The following FCHO2 variants were observed in gnomAD, a reference collection of about 807,000 sequenced individuals.
FCHO2 encodes FCH and mu domain containing endocytic adaptor 2, also known as F-BAR domain only protein 2.
FCHO2 carries 43 observed loss-of-function variants against 114.1 expected under a neutral mutation model. That is an observed-to-expected ratio of 0.38 (90% CI 0.30 to 0.49). FCHO2 has a LOEUF of 0.49. Ranked by LOEUF, FCHO2 falls within the 20% of genes least tolerant of loss-of-function variation. The pLI is 0.97. For missense variants in FCHO2, 807 were observed against 950.4 expected (o/e 0.85, Z 1.98); for synonymous variants, 293 against 315.2 (o/e 0.93, Z 0.75).
intron 5 of FCHO2, among the ~76,000 whole-genome samples, chr5:73,004,635 T>A (rs922087464): frequency 6.8e-6 from 1 of 147,986 alleles, no homozygotes; most frequent in Admixed American, 6.7e-5. Flanking sequence ...ACAGCTTTTT[T>A]TAAAAAAAAG....
rs185838808 is a variant in FCHO2 at position 72,974,990 on chromosome 5, G to T, written c.125+6401G>T. Among the ~76,000 whole-genome samples the T allele has an allele frequency of 3.4e-3, 522 of 152,078 alleles. 1 individual carries two copies. The highest frequency in any genetic ancestry group is 0.011 in the African/African-American group (467 of 41,490). Reference sequence around the variant, plus strand: ...CTTAGTTTGACTGGATATGAAATTCGGGGTTGAAAATTCTTTTCTTTAAGA... The same window carrying T: ...CTTAGTTTGACTGGATATGAAATTCTGGGTTGAAAATTCTTTTCTTTAAGA... On this transcript the variant is annotated intron_variant, in intron 2 of 25. Transcript: ENST00000430046.
chr5:73,006,203 C>G (rs1224294532), intron 5 of FCHO2, among the ~76,000 whole-genome samples: 1 of 152,056 alleles, frequency 6.6e-6, no homozygotes, highest in Non-Finnish European at 1.5e-5. Flanking sequence ...AGTATTTTAA[C>G]TTTTCAAAGC....
chr5:72,968,067 G>A, intron 1 of FCHO2, among the ~76,000 whole-genome samples: 1 of 151,934 alleles, frequency 6.6e-6, no homozygotes, highest in Non-Finnish European at 1.5e-5. Context: ...TGGGACTACA[G>A]GTGCCCACCA....
chr5:72,982,313 A>G (rs1289005950), intron 2 of FCHO2, among the ~76,000 whole-genome samples: 2 of 152,178 alleles, frequency 1.3e-5, no homozygotes, highest in South Asian at 2.1e-4. Flanking sequence ...TGCCTTCTGC[A>G]TTGATCTCAC....
rs553479251 is a variant in FCHO2 at position 73,059,992 on chromosome 5, TC to T, written c.1345+1469del. 2.1e-3 allele frequency among the ~76,000 whole-genome samples: 317 copies of T among 152,152 alleles called. 1 individual carries two copies. In the Middle Eastern group the frequency reaches 0.034, roughly 16 times the overall value. ...TTATTAAAGTCTTTAATAAAAGTTT[TC>T]AAATTGGTATCACAGAGGTTTTATT... On this transcript the variant is annotated intron_variant, in intron 17 of 25. Transcript: ENST00000430046.
intron 7 of FCHO2, among the ~76,000 whole-genome samples, chr5:73,016,926 A>G (rs544609025): frequency 1.1e-4 from 16 of 152,102 alleles, no homozygotes; most frequent in South Asian, 2.1e-4. Flanking sequence ...TTGTCTGTAT[A>G]AGTCTTATCA....
intron 5 of FCHO2, among the ~76,000 whole-genome samples, chr5:72,998,436 G>A (rs1268974077): frequency 6.6e-6 from 1 of 151,756 alleles, no homozygotes; most frequent in African/African-American, 2.4e-5. Flanking sequence ...GCAGTGAGCC[G>A]AGATCGAGCC....
chr5:73,081,699 T>G, intron 22 of FCHO2, 84 bp from the exon 23 acceptor site: 1 of 1,018,430 alleles, frequency 9.8e-7, no homozygotes, highest in Admixed American at 3.6e-5. Context: ...TTTTGTGGAC[T>G]TACATGTTCA....
At chr5:72,981,593 G>A (rs1753215262) in intron 2 of FCHO2, among the ~76,000 whole-genome samples, 1 of 152,160 alleles carries the variant, frequency 6.6e-6, no homozygotes, top group Non-Finnish European at 1.5e-5. Context: ...ATCAAATGTA[G>A]GTTTCGTGGT....
intron 1 of FCHO2, among the ~76,000 whole-genome samples, chr5:72,956,440 C>T (rs900692830): frequency 1.3e-5 from 2 of 151,668 alleles, no homozygotes; most frequent in Non-Finnish European, 2.9e-5. Flanking sequence ...CGGAGGCTCC[C>T]GGTGCCGCGC....
At chr5:73,048,489 G>C (rs1305986484) in intron 11 of FCHO2, among the ~76,000 whole-genome samples, 3 of 152,108 alleles carry the variant, frequency 2.0e-5, no homozygotes, top group Non-Finnish European at 4.4e-5. Flanking sequence ...ATCTGCGGTT[G>C]GTTGAATACA....
chr5:73,049,827 A>G (rs1480804097), intron 11 of FCHO2, among the ~76,000 whole-genome samples: 1 of 152,190 alleles, frequency 6.6e-6, no homozygotes, highest in Non-Finnish European at 1.5e-5. Context: ...AGAATTCTAA[A>G]CAAATTGTGT....
intron 18 of FCHO2, among the ~76,000 whole-genome samples, chr5:73,066,240 C>G (rs1561489764): frequency 6.6e-6 from 1 of 151,958 alleles, no homozygotes. Context: ...CTTCTAGAAA[C>G]CACCCTCTGA....
chr5:73,069,802 T>C (rs1028296249), intron 19 of FCHO2, among the ~76,000 whole-genome samples: 7 of 152,112 alleles, frequency 4.6e-5, no homozygotes, highest in African/African-American at 1.7e-4. Flanking sequence ...AAGAGTTTTT[T>C]TGTCATCATT....
At chr5:72,972,184 G>T (rs1752596022) in intron 2 of FCHO2, among the ~76,000 whole-genome samples, 3 of 152,066 alleles carry the variant, frequency 2.0e-5, no homozygotes, top group African/African-American at 7.2e-5. Flanking sequence ...GGCGATGCGG[G>T]CTCTTTTTTG....
chr5:73,063,829 C>T lies in FCHO2; in HGVS notation c.1346-12C>T. On this transcript the variant is annotated splice_polypyrimidine_tract_variant and intron_variant, in intron 17 of 25. Coordinates refer to ENST00000430046, the MANE Select transcript of FCHO2 (RefSeq NM_138782.3). ...ATGATTTTCTTCAAATTCTCTTTTC[C>T]CCCTCAACCAGCCAGGCCCACAACT... 6.2e-7 allele frequency: 1 copy of T among 1,607,000 alleles called. No individual in the cohort carries two copies. The highest frequency in any genetic ancestry group is 8.5e-7 in the Non-Finnish European group (1 of 1,175,734).
At chr5:72,985,808 G>T (rs1753493157) in intron 2 of FCHO2, among the ~76,000 whole-genome samples, 1 of 151,994 alleles carries the variant, frequency 6.6e-6, no homozygotes, top group Non-Finnish European at 1.5e-5. Flanking sequence ...ATTTTCAGCG[G>T]TTTTTACTCT....
intron 5 of FCHO2, among the ~76,000 whole-genome samples, chr5:73,005,171 A>G (rs1754650591): frequency 6.6e-6 from 1 of 152,208 alleles, no homozygotes; most frequent in African/African-American, 2.4e-5. Context: ...GAGAGAGTAC[A>G]AAGTTGCTTG....
At chr5:73,041,131 A>G (rs1022338470) in intron 10 of FCHO2, among the ~76,000 whole-genome samples, 160 bp from the exon 11 acceptor site, 1 of 152,106 alleles carries the variant, frequency 6.6e-6, no homozygotes. Flanking sequence ...GAATTTTAAA[A>G]TAATTTGGTA....
Sources: gnomAD v4.1 joint callset for allele counts (sites outside exome capture counted in the v4.1 genomes callset) on GRCh38, gnomAD v4.1.1 for gene constraint, MANE v1.5 for transcripts, NCBI Gene and HGNC (gene_info 2026-07-23, HGNC 2026-07-21) for gene names.